FLYWCH2: variants seen among roughly 807,000 people sequenced by gnomAD.
FLYWCH2 encodes the protein FLYWCH family member 2.
Under a neutral mutation model 6.0 loss-of-function variants are expected in FLYWCH2, and 2 were observed. That is an observed-to-expected ratio of 0.33 (90% CI 0.14 to 1.04). The LOEUF is 1.04. Ranked by LOEUF, FLYWCH2 falls within the 50% of genes least tolerant of loss-of-function variation. The probability of loss-of-function intolerance (pLI) is 0.45; values close to 1 mark genes in which losing one functional copy is unlikely to be tolerated. For missense variants in FLYWCH2, 192 were observed against 183.4 expected (o/e 1.05, Z -0.27); for synonymous variants, 87 against 79.3 (o/e 1.10, Z -0.52).
rs770552562 is a variant in FLYWCH2, at chr16:2,896,545, C to G, written c.96C>G (p.Ala32=). ...PKPGTEVIPA[A]PRKPRKFSKL... ...CAGGCACAGAAGTCATCCCGGCAGC[C>G]CCCAGGAAGCCCAGAAAGTTCTCCA... Residue 32 remains alanine (A), a synonymous_variant, in exon 3 of 4, where the codon GCC becomes GCG. Coordinates refer to ENST00000396958, the MANE Select transcript of FLYWCH2 (RefSeq NM_138439.3). 24 of 1,614,078 alleles carry G rather than the reference C, an allele frequency of 1.5e-5. No individual in the cohort carries two copies. Among genetic ancestry groups the G allele is most frequent in the Middle Eastern group, 1.6e-4 (1 of 6,082 alleles).
intron 1 of FLYWCH2, among the ~76,000 whole-genome samples, chr16:2,886,158 C>T (rs778344849): frequency 6.6e-6 from 1 of 151,998 alleles, no homozygotes; most frequent in Non-Finnish European, 1.5e-5. Flanking sequence ...TGTTTGGAGC[C>T]TTTGCCCATT....
chr16:2,897,787 A>G (rs982553593), intron 3 of FLYWCH2, among the ~76,000 whole-genome samples: 1 of 152,230 alleles, frequency 6.6e-6, no homozygotes, highest in Non-Finnish European at 1.5e-5. Flanking sequence ...CCTAGGCAGC[A>G]GAGGAAATGG....
Position 2,896,674 on chromosome 16 carries a change from C to T in FLYWCH2, c.225C>T (p.Thr75=). Residue 75 remains threonine (T), a synonymous_variant, in exon 3 of 4, where the codon ACC becomes ACT. Coordinates refer to ENST00000396958, the MANE Select transcript of FLYWCH2 (RefSeq NM_138439.3). Reference sequence around the variant, plus strand: ...CCCTGGGGGTGCCCGGCCCCGCCACCCTTGCCAAGGCCCTCCTCCAGACCC... The same window carrying T: ...CCCTGGGGGTGCCCGGCCCCGCCACTCTTGCCAAGGCCCTCCTCCAGACCC... The part of the protein sequence containing the change: ...VMSLGVPGPA[T]LAKALLQTHP... 6.2e-7 allele frequency: 1 copy of T among 1,613,192 alleles called. No individual in the cohort carries two copies. The highest frequency in any genetic ancestry group is 2.2e-5 in the East Asian group (1 of 44,850).
chr16:2,889,516 T>C (rs2069732964), intron 1 of FLYWCH2, among the ~76,000 whole-genome samples: 1 of 150,372 alleles, frequency 6.7e-6, no homozygotes, highest in South Asian at 2.1e-4. Context: ...GGCCAACCTT[T>C]ACTTTTAAAG....
At chr16:2,898,939 TG>T in intron 3 of FLYWCH2, 109 bp from the exon 4 acceptor site, 2 of 775,908 alleles carry the variant, frequency 2.6e-6, no homozygotes, top group Non-Finnish European at 4.0e-6. Flanking sequence ...CTTCTGGCCC[TG>T]GAGCATCCAC....
chr16:2,883,446 C>T (rs1283546171), intron 1 of FLYWCH2, 80 bp downstream of exon 1: 1 of 152,374 alleles, frequency 6.6e-6, no homozygotes, highest in Non-Finnish European at 1.5e-5. Flanking sequence ...TCTCGGGGGT[C>T]CCGAGGGCTG....
intron 1 of FLYWCH2, among the ~76,000 whole-genome samples, chr16:2,894,446 G>A (rs995006287): frequency 6.6e-6 from 1 of 152,192 alleles, no homozygotes; most frequent in African/African-American, 2.4e-5. Context: ...GACGTGCGCC[G>A]TAGCCAATCA....
At chr16:2,891,921 G>T (rs1284237131) in intron 1 of FLYWCH2, among the ~76,000 whole-genome samples, 1 of 151,938 alleles carries the variant, frequency 6.6e-6, no homozygotes, top group Non-Finnish European at 1.5e-5. Flanking sequence ...GCCAGGCACG[G>T]TGGCTCATGC....
At chr16:2,890,653 A>G (rs1183315632) in intron 1 of FLYWCH2, among the ~76,000 whole-genome samples, 10 of 148,632 alleles carry the variant, frequency 6.7e-5, no homozygotes, top group African/African-American at 2.5e-4. Context: ...CGAACTCCTG[A>G]CCTTGTGATC....
intron 1 of FLYWCH2, among the ~76,000 whole-genome samples, chr16:2,886,684 G>C (rs1160143588): frequency 1.2e-3 from 171 of 143,026 alleles, no homozygotes; most frequent in African/African-American, 4.6e-3. Context: ...ACCAAGCTTG[G>C]CTAATTTTGT....
intron 1 of FLYWCH2, among the ~76,000 whole-genome samples, chr16:2,888,574 A>G (rs914664536): frequency 6.6e-5 from 10 of 151,372 alleles, no homozygotes; most frequent in Admixed American, 2.6e-4. Context: ...AAGTCTTCCA[A>G]TCCATGAACA....
chr16:2,889,679 G>T (rs1348072783), intron 1 of FLYWCH2, among the ~76,000 whole-genome samples: 2 of 152,142 alleles, frequency 1.3e-5, no homozygotes, highest in Admixed American at 6.6e-5. Context: ...TTTTATTTTG[G>T]AATTATTTTA....
chr16:2,893,408 G>A (rs879349874), intron 1 of FLYWCH2, among the ~76,000 whole-genome samples: 1 of 152,138 alleles, frequency 6.6e-6, no homozygotes, highest in Admixed American at 6.6e-5. Flanking sequence ...TAGGAATTAT[G>A]TACTGGGAGA....
rs77373913 is a variant in FLYWCH2 at position 2,894,968 on chromosome 16, C to G, written c.-199-252C>G. ...ATCGGCCCGAGGGGAAAGTGGGTGTCTCTGGGCCTTGTCCTGCCTGGGTCC... is the reference window on the plus strand; with the variant it reads ...ATCGGCCCGAGGGGAAAGTGGGTGTGTCTGGGCCTTGTCCTGCCTGGGTCC... On this transcript the variant is annotated intron_variant, in intron 1 of 3. Coordinates refer to ENST00000396958, the MANE Select transcript of FLYWCH2 (RefSeq NM_138439.3). Among the ~76,000 whole-genome samples, 3 of 152,284 alleles carry G rather than the reference C, an allele frequency of 2.0e-5. No individual in the cohort carries two copies. In the East Asian group the frequency reaches 5.8e-4, roughly 30 times the overall value.
intron 1 of FLYWCH2, among the ~76,000 whole-genome samples, chr16:2,893,233 C>T (rs569917670): frequency 6.6e-6 from 1 of 152,164 alleles, no homozygotes; most frequent in African/African-American, 2.4e-5. Context: ...ACCTTCAGGC[C>T]CTCTCCCTTT....
At position 2,883,239 on chromosome 16, in the gene FLYWCH2, GC is replaced by G. The variant is rs2069659530; in HGVS notation, c.-326del. On this transcript the variant is annotated 5_prime_UTR_variant, in exon 1 of 4. Transcript: ENST00000396958. The stretch of plus-strand genomic sequence containing the variant: ...CAGAAGACAGGGCACCCGCGGCCTT[GC>G]TGCGCATGCTCGCGCTGTGACCCCG... 1 of 152,294 alleles carries G rather than the reference GC, an allele frequency of 6.6e-6. No homozygotes were observed. The highest frequency in any genetic ancestry group is 1.5e-5 in the Non-Finnish European group (1 of 68,068). The allele number at this position is 152,294 out of a possible 1,614,324, so 9.4% of individuals were successfully genotyped here. A position where few individuals can be genotyped will look rare whatever the true frequency, so the allele number is the denominator to read the frequency against.
intron 1 of FLYWCH2, among the ~76,000 whole-genome samples, chr16:2,885,316 CA>C (rs56239034): frequency 0.85 from 129,329 of 151,612 alleles, 55,399 homozygotes; most frequent in Non-Finnish European, 0.88. Flanking sequence ...GACTCCGTCT[CA>C]AAAAAACAAA....
chr16:2,893,314 C>T (rs1324208586), intron 1 of FLYWCH2, among the ~76,000 whole-genome samples: 1 of 152,142 alleles, frequency 6.6e-6, no homozygotes, highest in Non-Finnish European at 1.5e-5. Context: ...GTGACCAGCC[C>T]CATTGAAGCA....
At chr16:2,893,752 C>T (rs981932317) in intron 1 of FLYWCH2, among the ~76,000 whole-genome samples, 1 of 151,724 alleles carries the variant, frequency 6.6e-6, no homozygotes, top group Non-Finnish European at 1.5e-5. Flanking sequence ...ATTCTCCTGC[C>T]TCAGCCTCCC....
Sources: gnomAD v4.1 joint callset for allele counts (sites outside exome capture counted in the v4.1 genomes callset) on GRCh38, gnomAD v4.1.1 for gene constraint, MANE v1.5 for transcripts, NCBI Gene and HGNC (gene_info 2026-07-23, HGNC 2026-07-21) for gene names.